Variants in LHX6 observed in about 807,000 individuals in gnomAD.
The protein encoded by LHX6 is LIM homeobox 6.
A neutral mutation model predicts 47.1 loss-of-function variants in LHX6; 15 were observed. That is an observed-to-expected ratio of 0.32 (90% CI 0.21 to 0.49). The LOEUF is 0.49. Among genes scored for constraint, LHX6 ranks in the 20% least tolerant of loss-of-function variants. The pLI, the probability that LHX6 is intolerant of heterozygous loss-of-function variation, is 0.99. For synonymous variants in LHX6, 242 were observed against 233.5 expected, an observed-to-expected ratio of 1.04 and a Z score of -0.33; for missense variants, 404 against 539.6, an observed-to-expected ratio of 0.75 and a Z score of 2.49.
chr9:122,213,720 G>T lies in LHX6; in HGVS notation c.940C>A (p.Pro314Thr). The change falls in exon 8 of 10, where the codon CCC (proline) becomes ACC (threonine). Residue 314 changes from proline (P) to threonine (T), a missense_variant. By Grantham distance (38) the Pro-to-Thr change is conservative. Transcript: ENST00000394319. The surrounding 1 kb of genome is among the most constrained non-coding windows in gnomAD (Gnocchi z 5.5). ...AGGCGGGACGGGGGCGCCCCCGAGG[G>T]CGGCACTGGGTGTTGCGGCGTGTGC... Reference protein sequence around the residue: ...KKHTPQHPVPPSGAPPSRLPS... With the variant: ...KKHTPQHPVPTSGAPPSRLPS... 1 of 1,611,988 alleles carries T rather than the reference G, an allele frequency of 6.2e-7. No homozygotes were observed. Among genetic ancestry groups the T allele is most frequent in the Non-Finnish European group, 8.5e-7 (1 of 1,179,374 alleles).
In LHX6 at chr9:122,227,143, G is replaced by C. The variant is rs969559090; in HGVS notation, c.157-113C>G. 3 of 1,039,232 alleles carry C rather than the reference G, an allele frequency of 2.9e-6. No individual in the cohort carries two copies. In the African/African-American group the frequency reaches 4.9e-5, roughly 17 times the overall value. 64.4% of individuals were successfully genotyped at this position (1,039,232 alleles called of 1,614,324 possible). ...CCAATTGACAACGAAATCTCCCCAG[G>C]ACAATGCGCCGTAGACTGAAGGACA... On this transcript the variant is annotated intron_variant, in intron 2 of 9. Transcript: ENST00000394319.
At position 122,217,141 on chromosome 9, in the gene LHX6, C is replaced by G; in HGVS notation, c.609G>C (p.Leu203=). 1 of 1,614,232 alleles carries G rather than the reference C, an allele frequency of 6.2e-7. No individual in the cohort carries two copies. The highest frequency in any genetic ancestry group is 8.5e-7 in the Non-Finnish European group (1 of 1,180,032). Residue 203 remains leucine, a synonymous_variant, in exon 5 of 10, where the codon CTG becomes CTC. Coordinates refer to ENST00000394319, the MANE Select transcript of LHX6 (RefSeq NM_014368.5). This position sits in a 1 kb window ranked among gnomAD's most constrained non-coding sequence, Gnocchi z 4.9. ...RQLSTGEEFG[L]VEEKVLCRIH... ...TGCGGCAGAGCACCTTCTCCTCGAC[C>G]AGGCCGAACTCCTCACCAGTGGACA...
chr9:122,228,202 G>C (rs919028579), intron 1 of LHX6: 11 of 1,474,038 alleles, frequency 7.5e-6, no homozygotes, highest in Admixed American at 2.0e-5. Context: ...GGGAAACCCG[G>C]AGCAAAAAGA....
chr9:122,208,743 G>A (rs1469206843), intron 9 of LHX6, among the ~76,000 whole-genome samples: 1 of 151,664 alleles, frequency 6.6e-6, no homozygotes, highest in Admixed American at 6.6e-5. Context: ...GCTGAGGCAG[G>A]AGAATCACCT....
rs908972785 is a variant in LHX6, at chr9:122,228,745, C to G, written c.-5G>C. ...GTTCTCATGCTTCCAGTACATGGGC[C>G]GGGGAACCTCGGGCTCAGCGGGCGC... On this transcript the variant is annotated 5_prime_UTR_variant, in exon 1 of 10. Coordinates refer to ENST00000394319, the MANE Select transcript of LHX6 (RefSeq NM_014368.5). 1 of 1,259,538 alleles carries G rather than the reference C, an allele frequency of 7.9e-7. No homozygotes were observed. Among genetic ancestry groups the G allele is most frequent in the Non-Finnish European group, 1.0e-6 (1 of 999,156 alleles). 78.0% of individuals were successfully genotyped at this position (1,259,538 alleles called of 1,614,324 possible). A position where few individuals can be genotyped will look rare whatever the true frequency, so the allele number is the denominator to read the frequency against.
At chr9:122,204,889 T>C in intron 9 of LHX6, 109 bp from the exon 10 acceptor site, 1 of 674,560 alleles carries the variant, frequency 1.5e-6, no homozygotes. Flanking sequence ...AGGGCCCAGA[T>C]CTGAGTTTAA....
chr9:122,214,449 G>A lies in LHX6; in HGVS notation c.683-66C>T. 3 of 1,446,552 alleles carry A rather than the reference G, an allele frequency of 2.1e-6. No individual in the cohort carries two copies. Among genetic ancestry groups the A allele is most frequent in the Non-Finnish European group, 2.7e-6 (3 of 1,104,086 alleles). 89.6% of individuals were successfully genotyped at this position (1,446,552 alleles called of 1,614,324 possible). ...TTCTAGTGGCAGCCTGGAAAGGACGGGGGTGGGGGGAGCTTGTCCCTGGAA... is the reference window on the plus strand; with the variant it reads ...TTCTAGTGGCAGCCTGGAAAGGACGAGGGTGGGGGGAGCTTGTCCCTGGAA... On this transcript the variant is annotated intron_variant, in intron 5 of 9. Coordinates refer to ENST00000394319, the MANE Select transcript of LHX6 (RefSeq NM_014368.5). The surrounding 1 kb of genome is among the most constrained non-coding windows in gnomAD (Gnocchi z 4.6).
At position 122,214,162 on chromosome 9, in the gene LHX6, G is replaced by A; in HGVS notation, c.784-93C>T. ...CGCCAGTCCACAGGCCACGCCCCAG[G>A]CAGCTGCGGCCCCGCCCCGCCACCC... On this transcript the variant is annotated intron_variant, in intron 6 of 9. Transcript: ENST00000394319. This position sits in a 1 kb window ranked among gnomAD's most constrained non-coding sequence, Gnocchi z 4.6. 7.0e-7 allele frequency: 1 copy of A among 1,421,148 alleles called. No homozygotes were observed. Among genetic ancestry groups the A allele is most frequent in the Admixed American group, 2.1e-5 (1 of 46,918 alleles). The allele number at this position is 1,421,148 out of a possible 1,614,324, so 88.0% of individuals were successfully genotyped here.
chr9:122,208,995 C>T (rs1303289614), intron 9 of LHX6, among the ~76,000 whole-genome samples: 3 of 152,174 alleles, frequency 2.0e-5, no homozygotes, highest in South Asian at 4.1e-4. Context: ...AGGTAAGTCT[C>T]CTCCTCTCTC....
At position 122,226,594 on chromosome 9, in the gene LHX6, G is replaced by A; in HGVS notation, c.340-97C>T. The A allele has an allele frequency of 6.6e-7, 1 of 1,516,038 alleles. No homozygotes were observed. Among genetic ancestry groups the A allele is most frequent in the African/African-American group, 1.4e-5 (1 of 71,560 alleles). 93.9% of individuals were successfully genotyped at this position (1,516,038 alleles called of 1,614,324 possible). A position where few individuals can be genotyped will look rare whatever the true frequency, so the allele number is the denominator to read the frequency against. ...CTCATTTACAGTCAGAGGCGCTGAA[G>A]CTCAGAAGGTGCATGCGATTCCCCT... On this transcript the variant is annotated intron_variant, in intron 3 of 9. Coordinates refer to ENST00000394319, the MANE Select transcript of LHX6 (RefSeq NM_014368.5). This position sits in a 1 kb window ranked among gnomAD's most constrained non-coding sequence, Gnocchi z 6.5.
intron 9 of LHX6, 146 bp downstream of exon 9, chr9:122,209,468 G>C: frequency 8.3e-7 from 1 of 1,201,034 alleles, no homozygotes; most frequent in Non-Finnish European, 1.2e-6. Context: ...GACTGCTGTG[G>C]GGGTGCGGTG....
chr9:122,216,120 G>A (rs1388047612), intron 5 of LHX6, among the ~76,000 whole-genome samples: 2 of 152,184 alleles, frequency 1.3e-5, no homozygotes, highest in African/African-American at 4.8e-5. Context: ...AAATCTACTA[G>A]TATGTAATTT....
chr9:122,213,833 C>A lies in LHX6; in HGVS notation c.880-53G>T. The A allele has an allele frequency of 4.5e-6, 7 of 1,544,778 alleles. No individual in the cohort carries two copies. Among genetic ancestry groups the A allele is most frequent in the Non-Finnish European group, 6.1e-6 (7 of 1,144,616 alleles). On this transcript the variant is annotated intron_variant, in intron 7 of 9. Transcript: ENST00000394319. The surrounding 1 kb of genome is among the most constrained non-coding windows in gnomAD (Gnocchi z 5.5). ...CCTCGAGGAAAAGAGTCGGACGCGC[C>A]GCCGGGAGACCCCAGGCGGGACTGC...
chr9:122,213,952 GCCCC>G lies in LHX6; in HGVS notation c.879+18_879+21del. On this transcript the variant is annotated intron_variant, in intron 7 of 9. Transcript: ENST00000394319. This position sits in a 1 kb window ranked among gnomAD's most constrained non-coding sequence, Gnocchi z 5.5. The stretch of plus-strand genomic sequence containing the variant: ...TCCGGGGCGTGCCCGCGGTCCCCAG[GCCCC>G]GCCCACCCCCGTCCCACCTGGATGA... The G allele has an allele frequency of 6.8e-6, 10 of 1,461,890 alleles. No homozygotes were observed. The highest frequency in any genetic ancestry group is 9.5e-6 in the Non-Finnish European group (10 of 1,055,288). 90.6% of individuals were successfully genotyped at this position (1,461,890 alleles called of 1,614,324 possible). A position where few individuals can be genotyped will look rare whatever the true frequency, so the allele number is the denominator to read the frequency against.
At chr9:122,227,099 A>T in intron 2 of LHX6, 69 bp from the exon 3 acceptor site, 1 of 1,402,384 alleles carries the variant, frequency 7.1e-7, no homozygotes. Context: ...CTTGGAGACA[A>T]ATCTGGGGCC....
At chr9:122,210,952 A>G (rs1331251101) in intron 8 of LHX6, among the ~76,000 whole-genome samples, 3 of 152,112 alleles carry the variant, frequency 2.0e-5, no homozygotes, top group Non-Finnish European at 2.9e-5. Context: ...AATTTTTTGT[A>G]TGTTTTCTAG....
At position 122,228,863 on chromosome 9, in the gene LHX6, C is replaced by G; in HGVS notation, c.-123G>C. ...GAGGAGAGCCGAGGCGCCGGCCCCG[C>G]CGCCCCGGGCCCGGCCTCAGCCCCC... On this transcript the variant is annotated 5_prime_UTR_variant, in exon 1 of 10. Transcript: ENST00000394319. The G allele has an allele frequency of 1.9e-6, 1 of 538,274 alleles. No individual in the cohort carries two copies. Among genetic ancestry groups the G allele is most frequent in the Non-Finnish European group, 2.6e-6 (1 of 384,006 alleles). The allele number at this position is 538,274 out of a possible 1,614,324, so 33.3% of individuals were successfully genotyped here. A position where few individuals can be genotyped will look rare whatever the true frequency, so the allele number is the denominator to read the frequency against.
chr9:122,219,247 C>T (rs1037631431), intron 4 of LHX6, among the ~76,000 whole-genome samples: 1 of 152,244 alleles, frequency 6.6e-6, no homozygotes, highest in Non-Finnish European at 1.5e-5. Flanking sequence ...CCCAACCCTA[C>T]TGTCTCCAAC....
intron 4 of LHX6, among the ~76,000 whole-genome samples, chr9:122,225,795 C>T (rs1415933346): frequency 6.6e-6 from 1 of 152,152 alleles, no homozygotes; most frequent in East Asian, 1.9e-4. Context: ...GGGTTCAGGA[C>T]GAGGCGCTTG....
Sources: allele counts gnomAD v4.1 joint callset (sites outside exome capture counted in the v4.1 genomes callset), GRCh38; gene constraint gnomAD v4.1.1; non-coding constraint Gnocchi (gnomAD v3.1); transcripts MANE v1.5; gene names NCBI Gene and HGNC (gene_info 2026-07-23, HGNC 2026-07-21).